The following KANK4 variants were observed in gnomAD, a reference collection of about 807,000 sequenced individuals.
The protein encoded by KANK4 is KN motif and ankyrin repeat domain-containing protein 4.
In KANK4, 50 loss-of-function variants were observed where a neutral mutation model predicts 80.8. That is an observed-to-expected ratio of 0.62 (90% CI 0.49 to 0.78). The LOEUF is 0.78. Ranked by LOEUF, KANK4 falls within the 30% of genes least tolerant of loss-of-function variation. The probability of loss-of-function intolerance (pLI) is 0.00; values close to 1 mark genes in which losing one functional copy is unlikely to be tolerated. For missense variants in KANK4, 1,196 were observed against 1,240.1 expected, an observed-to-expected ratio of 0.96 and a Z score of 0.53; for synonymous variants, 465 against 506.9, an observed-to-expected ratio of 0.92 and a Z score of 1.11.
intron 3 of KANK4, 21 bp downstream of exon 3, chr1:62,273,183 C>A (rs1672205707): frequency 1.4e-6 from 2 of 1,469,122 alleles, no homozygotes; most frequent in Non-Finnish European, 1.8e-6. Flanking sequence ...TGTCTCAGGC[C>A]CCTATATTGA....
Position 62,273,526 on chromosome 1 carries a change from G to A in KANK4, c.1578C>T (p.Ser526=), listed in dbSNP as rs17855078. ...TCCCTGCTGGGGGAGTCTTTCTGTC[G>A]CTGCCCCACAGAAAGCCTCCTGCTC... ...TRGAGGFLWG[S]DRKTPPAGRE... The change falls in exon 3 of 10, where the codon AGC becomes AGT. Residue 526 remains serine (S), a synonymous_variant. Transcript: ENST00000371153. 0.31 allele frequency: 507,174 copies of A among 1,612,758 alleles called. 82,298 individuals carry two copies. The highest frequency in any genetic ancestry group is 0.4 in the South Asian group (36,462 of 91,020).
At chr1:62,242,361 CAAAAAAAAA>C (rs57320794) in intron 9 of KANK4, among the ~76,000 whole-genome samples, 14 of 66,144 alleles carry the variant, frequency 2.1e-4, no homozygotes, top group South Asian at 1.2e-3. Context: ...GACCATACCT[CAAAAAAAAA>C]AAAAAAAAAA....
chr1:62,252,331 A>T (rs1423521492), intron 8 of KANK4, among the ~76,000 whole-genome samples: 1 of 152,250 alleles, frequency 6.6e-6, no homozygotes, highest in Non-Finnish European at 1.5e-5. Context: ...CCTGGCCCAT[A>T]GCACTGCTCC....
intron 6 of KANK4, among the ~76,000 whole-genome samples, chr1:62,264,091 C>T (rs535135229): frequency 7.2e-5 from 11 of 152,180 alleles, no homozygotes; most frequent in Non-Finnish European, 1.2e-4. Flanking sequence ...GAGTCCTAGA[C>T]TTGGGAGTCA....
intron 1 of KANK4, among the ~76,000 whole-genome samples, chr1:62,286,734 G>A (rs1251742674): frequency 2.6e-5 from 4 of 152,102 alleles, no homozygotes; most frequent in African/African-American, 4.8e-5. Context: ...TCCTGGCTCC[G>A]CTTTAGAAAC....
chr1:62,239,604 T>C (rs532500825), intron 9 of KANK4, among the ~76,000 whole-genome samples: 1 of 152,276 alleles, frequency 6.6e-6, no homozygotes, highest in Admixed American at 6.5e-5. Context: ...CATGTTGGTG[T>C]GCTGCACCCA....
intron 9 of KANK4, among the ~76,000 whole-genome samples, chr1:62,244,072 T>TAA (rs1215808570): frequency 6.6e-6 from 1 of 152,066 alleles, no homozygotes; most frequent in Admixed American, 6.6e-5. Context: ...AGTATTTAGA[T>TAA]AGAGTCTACT....
intron 8 of KANK4, among the ~76,000 whole-genome samples, chr1:62,248,089 C>T (rs1453854467): frequency 6.6e-6 from 1 of 152,162 alleles, no homozygotes; most frequent in Non-Finnish European, 1.5e-5. Flanking sequence ...ATCATGGCTT[C>T]TTACTGCCTG....
At chr1:62,239,160 C>T (rs1414078815) in intron 9 of KANK4, among the ~76,000 whole-genome samples, 1 of 151,902 alleles carries the variant, frequency 6.6e-6, no homozygotes, top group African/African-American at 2.4e-5. Context: ...CATTGGCTTT[C>T]CAAAGTTTTG....
At chr1:62,262,990 C>T in intron 7 of KANK4, 102 bp downstream of exon 7, 1 of 836,218 alleles carries the variant, frequency 1.2e-6, no homozygotes, top group Non-Finnish European at 2.0e-6. Context: ...AACCAAAAAC[C>T]ACTTGTACCT....
chr1:62,283,524 C>T (rs551903532), intron 1 of KANK4, among the ~76,000 whole-genome samples: 7 of 152,252 alleles, frequency 4.6e-5, no homozygotes, highest in South Asian at 4.1e-4. Context: ...GTAAGTCAGC[C>T]GGGTTCCCTG....
intron 9 of KANK4, among the ~76,000 whole-genome samples, chr1:62,246,553 G>C (rs1233739457): frequency 6.6e-6 from 1 of 152,014 alleles, no homozygotes; most frequent in Non-Finnish European, 1.5e-5. Flanking sequence ...TGGGTTTCAC[G>C]GCTCTAAGAC....
chr1:62,238,464 G>A (rs1350067923), intron 9 of KANK4, 83 bp from the exon 10 acceptor site: 16 of 1,087,898 alleles, frequency 1.5e-5, no homozygotes, highest in Admixed American at 1.9e-5. Context: ...GGGAGTAGAG[G>A]GTATGCCTGG....
intron 8 of KANK4, among the ~76,000 whole-genome samples, chr1:62,250,800 G>C (rs1167221505): frequency 1.3e-5 from 2 of 152,188 alleles, no homozygotes; most frequent in Admixed American, 6.5e-5. Context: ...TAGGTGACTA[G>C]AATACCTTGA....
intron 1 of KANK4, among the ~76,000 whole-genome samples, chr1:62,312,392 C>CT (rs1222763208): frequency 6.6e-6 from 1 of 152,150 alleles, no homozygotes; most frequent in Non-Finnish European, 1.5e-5. Flanking sequence ...AATAAAGATG[C>CT]TTTTTTTCCC....
rs1170624535 is a variant in KANK4 at position 62,238,030 on chromosome 1, C to T, written c.*247G>A. 11 of 420,904 alleles carry T rather than the reference C, an allele frequency of 2.6e-5. No homozygotes were observed. Among genetic ancestry groups the T allele is most frequent in the East Asian group, 1.4e-4 (4 of 27,908 alleles). The allele number at this position is 420,904 out of a possible 1,614,324, so 26.1% of individuals were successfully genotyped here. On this transcript the variant is annotated 3_prime_UTR_variant, in exon 10 of 10. Coordinates refer to ENST00000371153, the MANE Select transcript of KANK4 (RefSeq NM_181712.5). ...GTTTTGGATGTTTGGATGACACCGA[C>T]GTACCCCTCACCTTGCACCTTGAAC...
chr1:62,271,009 T>C (rs1387274019), intron 4 of KANK4, among the ~76,000 whole-genome samples: 1 of 152,220 alleles, frequency 6.6e-6, no homozygotes, highest in East Asian at 1.9e-4. Context: ...TTCTATAGAA[T>C]ATATGAGGTT....
At chr1:62,303,490 A>G (rs1391178010) in intron 1 of KANK4, among the ~76,000 whole-genome samples, 1 of 152,014 alleles carries the variant, frequency 6.6e-6, no homozygotes, top group Non-Finnish European at 1.5e-5. Flanking sequence ...AGGCACCCTA[A>G]TTACAAAGGT....
chr1:62,249,633 C>T (rs182731443), intron 8 of KANK4, among the ~76,000 whole-genome samples: 172 of 151,128 alleles, frequency 1.1e-3, no homozygotes, highest in Non-Finnish European at 1.7e-3. Context: ...ACCTCTGCCT[C>T]ACGGGTTCAA....
Sources: gnomAD v4.1 joint callset for allele counts (sites outside exome capture counted in the v4.1 genomes callset) on GRCh38, gnomAD v4.1.1 for gene constraint, MANE v1.5 for transcripts, NCBI Gene and HGNC (gene_info 2026-07-23, HGNC 2026-07-21) for gene names.